Variants in PTCHD4 observed in about 807,000 individuals in gnomAD.
PTCHD4 encodes patched domain-containing protein 4.
Under a neutral mutation model 58.1 loss-of-function variants are expected in PTCHD4, and 33 were observed. The ratio of observed to expected loss-of-function variants is 0.57; its 90% CI spans 0.43 to 0.76. The LOEUF (loss-of-function observed/expected upper bound fraction) is 0.76, where lower values mean the gene tolerates loss of function less well. PTCHD4 is among the 30% of genes least tolerant of loss of function. PTCHD4 has a pLI of 0.00. For synonymous variants in PTCHD4, 478 were observed against 409.6 expected (o/e 1.17, Z -2.02); for missense variants, 1,058 against 1,027.1 (o/e 1.03, Z -0.41).
chr6:47,998,472 T>C (rs1768586499), intron 4 of PTCHD4, among the ~76,000 whole-genome samples: 1 of 152,206 alleles, frequency 6.6e-6, no homozygotes, highest in Non-Finnish European at 1.5e-5. Context: ...AATGGGTCCA[T>C]ATGCATCTCA....
At chr6:47,966,239 G>A (rs1426213694) in intron 4 of PTCHD4, among the ~76,000 whole-genome samples, 1 of 152,144 alleles carries the variant, frequency 6.6e-6, no homozygotes, top group Non-Finnish European at 1.5e-5. Flanking sequence ...TCACACTAAA[G>A]TAAGTCACAC....
intron 1 of PTCHD4, among the ~76,000 whole-genome samples, chr6:48,086,346 C>T (rs1765263397): frequency 6.6e-6 from 1 of 152,086 alleles, no homozygotes. Context: ...AGACCCCATT[C>T]TTAGTTCATT....
chr6:47,944,340 C>T (rs934817602), intron 4 of PTCHD4, among the ~76,000 whole-genome samples: 1 of 151,998 alleles, frequency 6.6e-6, no homozygotes, highest in Non-Finnish European at 1.5e-5. Flanking sequence ...TTTCAGAAAA[C>T]ATTAATGACA....
At chr6:47,941,742 G>A (rs1766233858) in intron 4 of PTCHD4, among the ~76,000 whole-genome samples, 1 of 152,184 alleles carries the variant, frequency 6.6e-6, no homozygotes, top group African/African-American at 2.4e-5. Context: ...ACCTTACAGG[G>A]TGGTTATGTG....
chr6:48,074,848 A>G (rs947856348), intron 1 of PTCHD4, among the ~76,000 whole-genome samples: 1 of 152,230 alleles, frequency 6.6e-6, no homozygotes, highest in African/African-American at 2.4e-5. Flanking sequence ...AATCTGTTCA[A>G]ATGAATTGAC....
intron 1 of PTCHD4, among the ~76,000 whole-genome samples, chr6:48,100,886 A>G (rs566300497): frequency 1.5e-4 from 23 of 152,206 alleles, no homozygotes; most frequent in Non-Finnish European, 3.1e-4. Flanking sequence ...TAACAAAATT[A>G]CATGGTAAAC....
chr6:48,042,010 A>C (rs1763865984), intron 3 of PTCHD4, among the ~76,000 whole-genome samples: 1 of 152,156 alleles, frequency 6.6e-6, no homozygotes, highest in Non-Finnish European at 1.5e-5. Context: ...ATTAATTAGA[A>C]TCTTGGCACT....
rs1002701179 is a variant in PTCHD4 at position 47,873,063 on chromosome 6, T to G, written c.*5240A>C. 1.3e-5 allele frequency among the ~76,000 whole-genome samples: 2 copies of G among 151,416 alleles called. No individual in the cohort carries two copies. The highest frequency in any genetic ancestry group is 6.6e-5 in the Admixed American group (1 of 15,154). ...TTACTTTAAGCTTCTTTACAAAGAG[T>G]CTCCCTAGCTTTTCACTTTCACTAA... On this transcript the variant is annotated 3_prime_UTR_variant, in exon 5 of 5. Coordinates refer to ENST00000339488, the MANE Select transcript of PTCHD4 (RefSeq NM_001384253.1).
chr6:48,031,907 C>T (rs942227952), intron 3 of PTCHD4, among the ~76,000 whole-genome samples: 10 of 152,106 alleles, frequency 6.6e-5, no homozygotes, highest in East Asian at 1.9e-4. Context: ...AGTTTTCAGT[C>T]GGAATATGTT....
chr6:48,019,360 G>GCAGACAGC (rs2114107036), intron 3 of PTCHD4, among the ~76,000 whole-genome samples: 1 of 152,122 alleles, frequency 6.6e-6, no homozygotes, highest in African/African-American at 2.4e-5. Context: ...GGATAGAGTG[G>GCAGACAGC]TAGACAGCTA....
intron 1 of PTCHD4, among the ~76,000 whole-genome samples, chr6:48,093,937 G>T (rs1459311044): frequency 6.6e-6 from 1 of 152,152 alleles, no homozygotes; most frequent in Non-Finnish European, 1.5e-5. Flanking sequence ...GCTGTCATTT[G>T]AGAGCTTGCA....
chr6:47,988,842 G>A (rs979853371), intron 4 of PTCHD4, among the ~76,000 whole-genome samples: 2 of 152,140 alleles, frequency 1.3e-5, no homozygotes, highest in African/African-American at 4.8e-5. Context: ...GACTAATTCA[G>A]TAAATTGGTA....
At chr6:47,901,686 A>G in intron 4 of PTCHD4, 1 of 1,162,484 alleles carries the variant, frequency 8.6e-7, no homozygotes, top group Non-Finnish European at 1.1e-6. Flanking sequence ...CCTGGAGGAT[A>G]CTTAACCTCC....
chr6:48,030,995 G>A (rs1238752804), intron 3 of PTCHD4, among the ~76,000 whole-genome samples: 2 of 152,084 alleles, frequency 1.3e-5, no homozygotes, highest in African/African-American at 4.8e-5. Context: ...GTTGTTCCAA[G>A]GAAAGGAGAA....
At chr6:47,881,549 C>T (rs1561937606) in intron 4 of PTCHD4, among the ~76,000 whole-genome samples, 1 of 152,076 alleles carries the variant, frequency 6.6e-6, no homozygotes, top group Non-Finnish European at 1.5e-5. Flanking sequence ...CAAATCTTGG[C>T]TAAGCCATTG....
chr6:47,956,428 T>A (rs952654020), intron 4 of PTCHD4, among the ~76,000 whole-genome samples: 1 of 151,982 alleles, frequency 6.6e-6, no homozygotes. Flanking sequence ...GAGTATGGTT[T>A]TTTTTTTATT....
intron 4 of PTCHD4, among the ~76,000 whole-genome samples, chr6:47,994,194 C>T (rs1033217516): frequency 6.6e-6 from 1 of 152,134 alleles, no homozygotes; most frequent in Non-Finnish European, 1.5e-5. Flanking sequence ...TAGGAATCTG[C>T]TGTCCAGAGC....
At chr6:47,948,899 C>T (rs1048191219) in intron 4 of PTCHD4, among the ~76,000 whole-genome samples, 4 of 152,158 alleles carry the variant, frequency 2.6e-5, no homozygotes, top group Non-Finnish European at 5.9e-5. Context: ...TATTGAATTA[C>T]TTGCAGCTCA....
At chr6:47,977,427 A>G (rs1767732892) in intron 4 of PTCHD4, among the ~76,000 whole-genome samples, 1 of 152,170 alleles carries the variant, frequency 6.6e-6, no homozygotes, top group Non-Finnish European at 1.5e-5. Context: ...ACAAGGAATT[A>G]AGGATAAGTT....
Sources: gnomAD v4.1 joint callset for allele counts (sites outside exome capture counted in the v4.1 genomes callset) on GRCh38, gnomAD v4.1.1 for gene constraint, MANE v1.5 for transcripts, NCBI Gene and HGNC (gene_info 2026-07-23, HGNC 2026-07-21) for gene names.